The following ANXA4 variants were observed in gnomAD, a reference collection of about 807,000 sequenced individuals.
ANXA4 encodes the protein 35-beta calcimedin.
Under a neutral mutation model 49.8 loss-of-function variants are expected in ANXA4, and 39 were observed. That is an observed-to-expected ratio of 0.78 (90% CI 0.61 to 1.02). ANXA4 has a LOEUF of 1.02. ANXA4 is among the 50% of genes least tolerant of loss of function. The pLI, the probability that ANXA4 is intolerant of heterozygous loss-of-function variation, is 0.00. For synonymous variants in ANXA4, 134 were observed against 152.5 expected, an observed-to-expected ratio of 0.88 and a Z score of 0.89; for missense variants, 360 against 410.1, an observed-to-expected ratio of 0.88 and a Z score of 1.05.
chr2:69,790,693 TA>T (rs1346824667), intron 3 of ANXA4, among the ~76,000 whole-genome samples: 1 of 152,172 alleles, frequency 6.6e-6, no homozygotes, highest in East Asian at 1.9e-4. Flanking sequence ...GCAGGATTTG[TA>T]GGATAATTGC....
At chr2:69,717,776 A>C (rs760000529) in intron 2 of ANXA4, among the ~76,000 whole-genome samples, 1 of 152,066 alleles carries the variant, frequency 6.6e-6, no homozygotes, top group African/African-American at 2.4e-5. Flanking sequence ...TACCTCATCC[A>C]GTTTGCTTGT....
intron 2 of ANXA4, among the ~76,000 whole-genome samples, chr2:69,665,227 A>G (rs1676890909): frequency 6.6e-6 from 1 of 152,176 alleles, no homozygotes; most frequent in South Asian, 2.1e-4. Flanking sequence ...AAGTACATGA[A>G]ACCACCGTGC....
intron 2 of ANXA4, among the ~76,000 whole-genome samples, chr2:69,710,823 G>A (rs1678650614): frequency 6.6e-6 from 1 of 152,178 alleles, no homozygotes; most frequent in Non-Finnish European, 1.5e-5. Flanking sequence ...ATGATATGGA[G>A]CAACTGGAAT....
chr2:69,739,957 C>T (rs1402622164), upstream of ANXA4, among the ~76,000 whole-genome samples: 2 of 152,000 alleles, frequency 1.3e-5, no homozygotes, highest in Non-Finnish European at 2.9e-5. Flanking sequence ...TCAGTCTGAT[C>T]CCATGGGAAC....
intron 1 of ANXA4, among the ~76,000 whole-genome samples, chr2:69,777,236 T>C (rs4852331): frequency 0.33 from 50,453 of 152,024 alleles, 9,560 homozygotes; most frequent in Admixed American, 0.48. Context: ...TGGGTTTTTA[T>C]GGAGTCTTTG....
intron 1 of ANXA4, among the ~76,000 whole-genome samples, chr2:69,779,201 T>C (rs1205689348): frequency 2.0e-5 from 3 of 151,792 alleles, no homozygotes; most frequent in Non-Finnish European, 4.4e-5. Context: ...ATGATTTATA[T>C]TGTGGAAAGA....
At chr2:69,686,994 G>A (rs544651128) in intron 2 of ANXA4, among the ~76,000 whole-genome samples, 3 of 152,360 alleles carry the variant, frequency 2.0e-5, no homozygotes, top group East Asian at 3.9e-4. Flanking sequence ...TCAGAGCAGA[G>A]GATGGCAGAG....
intron 1 of ANXA4, among the ~76,000 whole-genome samples, chr2:69,650,260 G>A (rs905705474): frequency 3.9e-5 from 6 of 151,914 alleles, no homozygotes; most frequent in Non-Finnish European, 7.4e-5. Context: ...CTAAGGCTAC[G>A]TTGTTATAAA....
intron 2 of ANXA4, among the ~76,000 whole-genome samples, chr2:69,676,886 A>G (rs1249232045): frequency 7.9e-5 from 12 of 152,136 alleles, no homozygotes; most frequent in Admixed American, 6.5e-4. Context: ...GAGCGGGGGA[A>G]AAAAACAAAA....
chr2:69,777,695 G>T (rs1672016951), intron 1 of ANXA4, among the ~76,000 whole-genome samples: 3 of 152,170 alleles, frequency 2.0e-5, no homozygotes, highest in Admixed American at 2.0e-4. Context: ...CTGCTGCAGG[G>T]CCTTTGCACT....
At chr2:69,718,891 CAT>C (rs1669737880) in intron 2 of ANXA4, among the ~76,000 whole-genome samples, 1 of 151,920 alleles carries the variant, frequency 6.6e-6, no homozygotes, top group South Asian at 2.1e-4. Context: ...CATACACACA[CAT>C]GCATACACAG....
rs1163403050 is a variant in ANXA4, at chr2:69,825,004, T to A, written c.907-452T>A. Among the ~76,000 whole-genome samples the A allele has an allele frequency of 2.0e-5, 3 of 147,876 alleles. No homozygotes were observed. The East Asian group carries it at 6.0e-4, about 29-fold the overall frequency. Reference sequence around the variant, plus strand: ...ATGGCGTGAACCCGGGAGGCAGAGCTTGCAGTGAGTCAAGATGGCGCCACT... The same window carrying A: ...ATGGCGTGAACCCGGGAGGCAGAGCATGCAGTGAGTCAAGATGGCGCCACT... On this transcript the variant is annotated intron_variant, in intron 12 of 12. Transcript: ENST00000394295.
chr2:69,770,930 T>TAAA (rs34710767), intron 1 of ANXA4, among the ~76,000 whole-genome samples: 23,211 of 141,404 alleles, frequency 0.16, 2,061 homozygotes, highest in East Asian at 0.32. Context: ...CTAGAAAATT[T>TAAA]AAAAAAAAAA....
At chr2:69,740,311 T>G (rs762561165), upstream of ANXA4, among the ~76,000 whole-genome samples, 1 of 152,182 alleles carries the variant, frequency 6.6e-6, no homozygotes, top group Non-Finnish European at 1.5e-5. Flanking sequence ...AGTGTTGGGA[T>G]TACAGTCTGA....
At chr2:69,727,024 A>G (rs763785103) in intron 3 of ANXA4, among the ~76,000 whole-genome samples, 5 of 152,140 alleles carry the variant, frequency 3.3e-5, no homozygotes, top group Non-Finnish European at 7.3e-5. Flanking sequence ...CTGGGACTAC[A>G]GGTGTGCACC....
chr2:69,719,372 C>T (rs747978373), intron 2 of ANXA4, among the ~76,000 whole-genome samples: 1 of 150,084 alleles, frequency 6.7e-6, no homozygotes, highest in African/African-American at 2.5e-5. Flanking sequence ...AGAAAGCCTC[C>T]TGCTTTCAGC....
chr2:69,823,622 G>A (rs1307717402), intron 12 of ANXA4, among the ~76,000 whole-genome samples: 1 of 152,030 alleles, frequency 6.6e-6, no homozygotes, highest in Non-Finnish European at 1.5e-5. Flanking sequence ...AGGAGAAAGT[G>A]GATCACGTTA....
intron 1 of ANXA4, among the ~76,000 whole-genome samples, chr2:69,757,029 C>T (rs1029739852): frequency 8.0e-5 from 12 of 149,102 alleles, no homozygotes; most frequent in Admixed American, 3.4e-4. Flanking sequence ...TAATTTCAAG[C>T]AATTCTTCTG....
intron 3 of ANXA4, among the ~76,000 whole-genome samples, chr2:69,792,398 A>G (rs1295036516): frequency 6.6e-6 from 1 of 152,234 alleles, no homozygotes; most frequent in Non-Finnish European, 1.5e-5. Flanking sequence ...AGACAATCCT[A>G]TTTAATTTTA....
Sources: gnomAD v4.1 joint callset for allele counts (sites outside exome capture counted in the v4.1 genomes callset) on GRCh38, gnomAD v4.1.1 for gene constraint, MANE v1.5 for transcripts, NCBI Gene and HGNC (gene_info 2026-07-23, HGNC 2026-07-21) for gene names.